The following PARP11 variants were observed in gnomAD, a reference collection of about 807,000 sequenced individuals.
PARP11 encodes poly(ADP-ribose) polymerase family member 11, also known as protein mono-ADP-ribosyltransferase PARP11.
Under a neutral mutation model 42.9 loss-of-function variants are expected in PARP11, and 31 were observed. The ratio of observed to expected loss-of-function variants is 0.72; its 90% CI spans 0.54 to 0.98. The LOEUF (loss-of-function observed/expected upper bound fraction) is 0.98, where lower values mean the gene tolerates loss of function less well. Ranked by LOEUF, PARP11 falls within the 50% of genes least tolerant of loss-of-function variation. The pLI is 0.00. For synonymous variants in PARP11, 137 were observed against 127.3 expected, an observed-to-expected ratio of 1.08 and a Z score of -0.51; for missense variants, 365 against 413.1, an observed-to-expected ratio of 0.88 and a Z score of 1.01.
intron 1 of PARP11, among the ~76,000 whole-genome samples, chr12:3,839,001 G>A (rs1477782789): frequency 6.6e-6 from 1 of 152,158 alleles, no homozygotes; most frequent in South Asian, 2.1e-4. Flanking sequence ...AGGCCGTCGG[G>A]AAGTGACTAC....
chr12:3,863,213 C>A (rs1266587175), intron 1 of PARP11, among the ~76,000 whole-genome samples: 1 of 152,106 alleles, frequency 6.6e-6, no homozygotes, highest in East Asian at 1.9e-4. Context: ...ATATGAATTC[C>A]ATATCTAGCA....
chr12:3,866,286 AT>A (rs1297717719), intron 1 of PARP11, among the ~76,000 whole-genome samples: 3 of 151,990 alleles, frequency 2.0e-5, no homozygotes, highest in South Asian at 2.1e-4. Flanking sequence ...AGATCATCTT[AT>A]TTTTTTGTCC....
chr12:3,821,733 G>C (rs955962204), intron 6 of PARP11, 140 bp downstream of exon 6: 7 of 824,558 alleles, frequency 8.5e-6, no homozygotes, highest in Non-Finnish European at 1.1e-5. Flanking sequence ...GAATGCTGAA[G>C]AGCCTTGAGA....
At chr12:3,813,511 A>G (rs1324788287) in intron 7 of PARP11, among the ~76,000 whole-genome samples, 1 of 152,222 alleles carries the variant, frequency 6.6e-6, no homozygotes, top group African/African-American at 2.4e-5. Context: ...AAAGTCTCAT[A>G]TTTACCTAAC....
At chr12:3,829,198 T>C (rs1431043695) in intron 2 of PARP11, among the ~76,000 whole-genome samples, 168 bp from the exon 3 acceptor site, 1 of 152,192 alleles carries the variant, frequency 6.6e-6, no homozygotes, top group African/African-American at 2.4e-5. Flanking sequence ...AGCCAGCATA[T>C]TGAAAATGGT....
At chr12:3,860,591 TCTTC>T (rs1012493183) in intron 1 of PARP11, among the ~76,000 whole-genome samples, 2 of 152,192 alleles carry the variant, frequency 1.3e-5, no homozygotes, top group East Asian at 1.9e-4. Flanking sequence ...GTCACCCCTT[TCTTC>T]CTTCCTTTTT....
chr12:3,842,472 G>A (rs779099834), intron 1 of PARP11: 611 of 1,607,190 alleles, frequency 3.8e-4, no homozygotes, highest in Non-Finnish European at 4.9e-4. Context: ...GGGGAGATAG[G>A]AGGAGATCAG....
At chr12:3,813,762 T>C (rs1480479701) in intron 7 of PARP11, among the ~76,000 whole-genome samples, 4 of 152,194 alleles carry the variant, frequency 2.6e-5, no homozygotes, top group African/African-American at 7.2e-5. Context: ...CAGACATAAA[T>C]TGAAAAACTT....
intron 1 of PARP11, among the ~76,000 whole-genome samples, chr12:3,858,521 G>C (rs1318073838): frequency 6.6e-6 from 1 of 152,152 alleles, no homozygotes; most frequent in Non-Finnish European, 1.5e-5. Context: ...AAGCCATCCA[G>C]CAAAATGCTT....
chr12:3,848,817 T>C (rs1213091243), intron 1 of PARP11, among the ~76,000 whole-genome samples: 4 of 151,220 alleles, frequency 2.6e-5, no homozygotes, highest in African/African-American at 9.7e-5. Flanking sequence ...TACATCAAAC[T>C]AAAAAGAGTC....
Position 3,840,728 on chromosome 12 carries a change from A to G in PARP11, c.19-10710T>C. ...AGAAGAACGAAAAGACAAAGACTCT[A>G]TTCATGGACATAGTTGGATAAAAGA... On this transcript the variant is annotated intron_variant, in intron 1 of 7. Transcript: ENST00000228820. The surrounding 1 kb of genome is among the most constrained non-coding windows in gnomAD (Gnocchi z 4.4). 8 of 1,280,580 alleles carry G rather than the reference A, an allele frequency of 6.2e-6. No homozygotes were observed. Among genetic ancestry groups the G allele is most frequent in the Middle Eastern group, 3.7e-4 (2 of 5,436 alleles). The allele number at this position is 1,280,580 out of a possible 1,614,324, so 79.3% of individuals were successfully genotyped here.
rs569188933 is a variant in PARP11 at position 3,870,654 on chromosome 12, A to G, written c.18+2558T>C. On this transcript the variant is annotated intron_variant, in intron 1 of 7. Transcript: ENST00000228820. Reference sequence around the variant, plus strand: ...AACAAATATTTATTGAGTGCCTACTATGTGTCAGGTTCTGTTCTCTAGTTG... The same window carrying G: ...AACAAATATTTATTGAGTGCCTACTGTGTGTCAGGTTCTGTTCTCTAGTTG... Among the ~76,000 whole-genome samples the G allele has an allele frequency of 2.7e-4, 41 of 152,314 alleles. 1 individual carries two copies. In the South Asian group the frequency reaches 7.2e-3, roughly 27 times the overall value.
At chr12:3,843,422 A>G (rs141497323) in intron 1 of PARP11, among the ~76,000 whole-genome samples, 404 of 152,328 alleles carry the variant, frequency 2.7e-3, no homozygotes, top group African/African-American at 8.9e-3. Context: ...AAATGTTAAA[A>G]ATTTTTAGCT....
intron 4 of PARP11, among the ~76,000 whole-genome samples, chr12:3,823,931 AT>A (rs1947461839): frequency 2.0e-5 from 3 of 150,900 alleles, no homozygotes; most frequent in Admixed American, 1.3e-4. Context: ...AAAAAAAAAA[AT>A]GCTACAGGAA....
intron 1 of PARP11, chr12:3,841,587 C>G: frequency 1.2e-6 from 2 of 1,611,994 alleles, no homozygotes; most frequent in Non-Finnish European, 1.7e-6. Context: ...CTGAAAGTCA[C>G]GGACAATTGT....
chr12:3,869,697 T>C (rs144440773), intron 1 of PARP11, among the ~76,000 whole-genome samples: 2 of 152,348 alleles, frequency 1.3e-5, no homozygotes, highest in African/African-American at 4.8e-5. Flanking sequence ...AGTCTAGTAT[T>C]AGCTCCCCCT....
chr12:3,872,448 C>T (rs1948504126), intron 1 of PARP11: 7 of 936,840 alleles, frequency 7.5e-6, no homozygotes, highest in Non-Finnish European at 8.9e-6. Context: ...CTACGTTGCA[C>T]TTTAAATAAA....
At chr12:3,823,974 A>G (rs1287339115) in intron 4 of PARP11, among the ~76,000 whole-genome samples, 1 of 152,038 alleles carries the variant, frequency 6.6e-6, no homozygotes, top group Non-Finnish European at 1.5e-5. Flanking sequence ...TTACATGTCC[A>G]CTTGTTTATC....
intron 6 of PARP11, among the ~76,000 whole-genome samples, chr12:3,820,069 A>G (rs1441988118): frequency 1.3e-5 from 2 of 151,844 alleles, no homozygotes; most frequent in Non-Finnish European, 2.9e-5. Context: ...GGGTCCCCTC[A>G]CTTTGTGCTC....
Sources: gnomAD v4.1 joint callset for allele counts (sites outside exome capture counted in the v4.1 genomes callset) on GRCh38, gnomAD v4.1.1 for gene constraint, Gnocchi (gnomAD v3.1) non-coding constraint, MANE v1.5 for transcripts, NCBI Gene and HGNC (gene_info 2026-07-23, HGNC 2026-07-21) for gene names.